CAPRIN1: variants seen among roughly 807,000 people sequenced by gnomAD.
CAPRIN1 encodes the protein cell cycle associated protein 1, also known as caprin-1.
In CAPRIN1, 29 loss-of-function variants were observed where a neutral mutation model predicts 100.9. The ratio of observed to expected loss-of-function variants is 0.29; its 90% CI spans 0.21 to 0.39. CAPRIN1 has a LOEUF of 0.39. Ranked by LOEUF, CAPRIN1 falls within the 10% of genes least tolerant of loss-of-function variation. The pLI, the probability that CAPRIN1 is intolerant of heterozygous loss-of-function variation, is 1.00. For synonymous variants in CAPRIN1, 338 were observed against 307.5 expected, an observed-to-expected ratio of 1.10 and a Z score of -1.04; for missense variants, 795 against 876.7, an observed-to-expected ratio of 0.91 and a Z score of 1.18.
intron 7 of CAPRIN1, 139 bp downstream of exon 7, chr11:34,079,904 A>AGTTTTTTGTTTTTTGTTTTTT (rs1565091690): frequency 2.6e-5 from 13 of 496,500 alleles, no homozygotes; most frequent in African/African-American, 2.5e-4. Flanking sequence ...AGCATGACAA[A>AGTTTTTTGTTTTTTGTTTTTT]GTTTTTTTTT....
At chr11:34,069,270 C>T (rs1331746589) in intron 2 of CAPRIN1, among the ~76,000 whole-genome samples, 2 of 151,538 alleles carry the variant, frequency 1.3e-5, no homozygotes, top group African/African-American at 4.9e-5. Flanking sequence ...CTGCCTCAGC[C>T]TTCTGAGTAG....
chr11:34,056,623 G>A (rs1850458748), intron 2 of CAPRIN1: 1 of 152,056 alleles, frequency 6.6e-6, no homozygotes, highest in Non-Finnish European at 1.5e-5. Context: ...CAGTTCATTG[G>A]TGCTGAACTG....
rs1278025400 is a variant in CAPRIN1 at position 34,066,800 on chromosome 11, A to AT, written c.217-4914dup. On this transcript the variant is annotated intron_variant, in intron 2 of 18. Transcript: ENST00000341394. ...GCCACCATGCCTGGCTAATTTTTGT[A>AT]TTTTTTTTTTTTCAGTAGAGTTAGG... is the stretch of plus-strand genomic sequence containing the variant. Among the ~76,000 whole-genome samples, 668 of 129,936 alleles carry AT rather than the reference A, an allele frequency of 5.1e-3. 9 individuals are homozygous for AT. Among genetic ancestry groups the AT allele is most frequent in the East Asian group, 0.031 (143 of 4,560 alleles). The allele number at this position is 129,936 out of a possible 152,430, so 85.2% of individuals were successfully genotyped here. A position where few individuals can be genotyped will look rare whatever the true frequency, so the allele number is the denominator to read the frequency against.
chr11:34,061,842 A>G (rs1209027192), intron 2 of CAPRIN1, among the ~76,000 whole-genome samples: 2 of 151,866 alleles, frequency 1.3e-5, no homozygotes, highest in African/African-American at 2.4e-5. Context: ...GTAGTGGCTT[A>G]TGCCTGTAAT....
At chr11:34,054,157 A>G (rs1850397205) in intron 2 of CAPRIN1, among the ~76,000 whole-genome samples, 1 of 152,098 alleles carries the variant, frequency 6.6e-6, no homozygotes, top group Admixed American at 6.6e-5. Context: ...TAGATTTGAT[A>G]CTTCCCTGTT....
intron 17 of CAPRIN1, 108 bp downstream of exon 17, chr11:34,097,404 G>A: frequency 1.1e-6 from 1 of 927,396 alleles, no homozygotes; most frequent in East Asian, 2.5e-5. Context: ...TTAACTTTGT[G>A]GTGTCCAAGA....
chr11:34,057,527 A>G (rs565968355), intron 2 of CAPRIN1, among the ~76,000 whole-genome samples: 1 of 152,276 alleles, frequency 6.6e-6, no homozygotes, highest in East Asian at 1.9e-4. Context: ...CCAAAATTTT[A>G]TGTAATTAAT....
intron 14 of CAPRIN1, 52 bp from the exon 15 acceptor site, chr11:34,091,854 A>T: frequency 6.5e-7 from 1 of 1,538,816 alleles, no homozygotes. Flanking sequence ...TGGCCATGTT[A>T]TAAACCAGAG....
In CAPRIN1 at chr11:34,090,179, G is replaced by A; in HGVS notation, c.1294G>A (p.Val432Ile). 1 of 1,595,358 alleles carries A rather than the reference G, an allele frequency of 6.3e-7. No homozygotes were observed. Among genetic ancestry groups the A allele is most frequent in the Non-Finnish European group, 8.6e-7 (1 of 1,164,524 alleles). Residue 432 changes from valine (V) to isoleucine (I), a missense_variant and splice_region_variant, in exon 13 of 19, where the codon GTT becomes ATT. By Grantham distance (29) the Val-to-Ile change is conservative. Coordinates refer to ENST00000341394, the MANE Select transcript of CAPRIN1 (RefSeq NM_005898.5). Reference sequence around the variant, plus strand: ...CTTTTATTTCTTTACTTATGTCTAGGTTCCTTTGGTATCATCCACAAGTGA... The same window carrying A: ...CTTTTATTTCTTTACTTATGTCTAGATTCCTTTGGTATCATCCACAAGTGA... ...QVPVQPEATQVPLVSSTSEGY... is the reference protein window; with the variant it reads ...QVPVQPEATQIPLVSSTSEGY...
chr11:34,102,470 C>G lies in CAPRIN1; in HGVS notation c.*3103C>G, dbSNP rs1044626948. Among the ~76,000 whole-genome samples, 1 of 152,118 alleles carries G rather than the reference C, an allele frequency of 6.6e-6. No homozygotes were observed. The highest frequency in any genetic ancestry group is 1.5e-5 in the Non-Finnish European group (1 of 68,026). On this transcript the variant is annotated 3_prime_UTR_variant, in exon 19 of 19. Coordinates refer to ENST00000341394, the MANE Select transcript of CAPRIN1 (RefSeq NM_005898.5). ...GATCTTGTCCTTTTTATGGAGTTAA[C>G]GGGGAGGAAGACCCCTCAGGAAAAC... is the stretch of plus-strand genomic sequence containing the variant.
chr11:34,069,402 C>T (rs1210600975), intron 2 of CAPRIN1, among the ~76,000 whole-genome samples: 1 of 151,938 alleles, frequency 6.6e-6, no homozygotes, highest in Non-Finnish European at 1.5e-5. Context: ...CCGACGTTGG[C>T]CTCCCAAAAT....
chr11:34,097,029 TACTTACAG>T (rs544041453), intron 16 of CAPRIN1, among the ~76,000 whole-genome samples, 159 bp from the exon 17 acceptor site: 81 of 152,346 alleles, frequency 5.3e-4, no homozygotes, highest in Non-Finnish European at 7.1e-4. Context: ...GGGCAGTTAG[TACTTACAG>T]AAATTTATAA....
chr11:34,090,483 T>C, intron 13 of CAPRIN1, 46 bp from the exon 14 acceptor site: 3 of 1,592,746 alleles, frequency 1.9e-6, no homozygotes, highest in East Asian at 4.5e-5. Flanking sequence ...TTTGTTTGGC[T>C]AAGTTTAGTT....
Position 34,097,760 on chromosome 11 carries a change from A to G in CAPRIN1, c.2064A>G (p.Arg688=). 6.2e-7 allele frequency: 1 copy of G among 1,613,970 alleles called. No homozygotes were observed. The highest frequency in any genetic ancestry group is 1.1e-5 in the South Asian group (1 of 91,086). ...SGQSGPRGAP[R]GRGGPPRPNR... The stretch of plus-strand genomic sequence containing the variant: ...AGAGTGGACCACGGGGAGCCCCACG[A>G]GGTAATATTTTGTGGTGGTGATCCT... Residue 688 remains arginine (R), a splice_region_variant and synonymous_variant, in exon 18 of 19, where the codon CGA becomes CGG. Transcript: ENST00000341394.
chr11:34,058,124 G>A (rs1341017654), intron 2 of CAPRIN1, among the ~76,000 whole-genome samples: 1 of 152,072 alleles, frequency 6.6e-6, no homozygotes, highest in East Asian at 1.9e-4. Context: ...GTTGGAATGG[G>A]TGATTTCCAA....
chr11:34,098,317 A>C, intron 18 of CAPRIN1: 1 of 984,780 alleles, frequency 1.0e-6, no homozygotes, highest in Non-Finnish European at 1.2e-6. Flanking sequence ...CTTTTAAACA[A>C]AACTCCCAAA....
chr11:34,078,998 T>G (rs1427787510), intron 6 of CAPRIN1, among the ~76,000 whole-genome samples: 4 of 144,244 alleles, frequency 2.8e-5, no homozygotes, highest in Non-Finnish European at 6.0e-5. Context: ...TACATAACTT[T>G]TTGTTTTCCC....
chr11:34,091,947 A>G lies in CAPRIN1; in HGVS notation c.1596A>G (p.Pro532=), dbSNP rs747974930. ...CCCCAGTTCCTCCTGTTAATGAACC[A>G]GAAACTTTAAAACAGCAAAATCAGT... ...MNAPVPPVNE[P]ETLKQQNQYQ... The change falls in exon 15 of 19, where the codon CCA becomes CCG. Residue 532 remains proline, a synonymous_variant. Transcript: ENST00000341394. The G allele has an allele frequency of 3.7e-6, 6 of 1,613,838 alleles. No individual in the cohort carries two copies. The African/African-American group carries it at 8.0e-5, about 22-fold the overall frequency.
chr11:34,077,239 C>T (rs1850926076), intron 6 of CAPRIN1, among the ~76,000 whole-genome samples: 1 of 152,186 alleles, frequency 6.6e-6, no homozygotes, highest in Non-Finnish European at 1.5e-5. Context: ...TGTAACTTAA[C>T]TGTGTTTGAG....
Sources: allele counts gnomAD v4.1 joint callset (sites outside exome capture counted in the v4.1 genomes callset), GRCh38; gene constraint gnomAD v4.1.1; transcripts MANE v1.5; gene names NCBI Gene and HGNC (gene_info 2026-07-23, HGNC 2026-07-21).